VCL: variants seen among roughly 807,000 people sequenced by gnomAD.
VCL encodes the protein vinculin, also known as epididymis luminal protein 114.
VCL carries 47 observed loss-of-function variants against 125.7 expected under a neutral mutation model. The observed-to-expected ratio is 0.37, with a 90% confidence interval of 0.30 to 0.48. VCL has a LOEUF of 0.48. Ranked by LOEUF, VCL falls within the 20% of genes least tolerant of loss-of-function variation. VCL has a pLI of 0.99. For synonymous variants in VCL, 458 were observed against 514.6 expected, an observed-to-expected ratio of 0.89 and a Z score of 1.49; for missense variants, 1,069 against 1,455.5, an observed-to-expected ratio of 0.73 and a Z score of 4.32.
intron 1 of VCL, among the ~76,000 whole-genome samples, chr10:74,031,162 A>G (rs1365745253): frequency 6.6e-6 from 1 of 152,218 alleles, no homozygotes; most frequent in Non-Finnish European, 1.5e-5. Flanking sequence ...CAATTATGCT[A>G]ATGTGCCTTG....
chr10:74,001,579 T>C (rs1231772581), intron 1 of VCL, among the ~76,000 whole-genome samples: 1 of 152,068 alleles, frequency 6.6e-6, no homozygotes, highest in African/African-American at 2.4e-5. Context: ...GCTTTTAAAA[T>C]TGGTTGGTTA....
At chr10:74,082,384 T>G in intron 6 of VCL, 70 bp from the exon 7 acceptor site, 1 of 1,557,378 alleles carries the variant, frequency 6.4e-7, no homozygotes, top group Non-Finnish European at 8.8e-7. Context: ...TAACTTCTTC[T>G]CTGTCTTACG....
intron 18 of VCL, 147 bp downstream of exon 18, chr10:74,109,303 T>C (rs1349707496): frequency 3.8e-6 from 4 of 1,048,842 alleles, no homozygotes; most frequent in South Asian, 1.4e-5. Context: ...TTCCTCTTCT[T>C]ACCTGTGCTT....
At chr10:74,047,225 A>G (rs1050319372) in intron 2 of VCL, among the ~76,000 whole-genome samples, 1 of 152,204 alleles carries the variant, frequency 6.6e-6, no homozygotes, top group Admixed American at 6.5e-5. Flanking sequence ...TAAGCCCAGG[A>G]GGTCGAGGCT....
rs570423857 is a variant in VCL, at chr10:74,071,103, T to C, written c.499+20T>C. On this transcript the variant is annotated intron_variant, in intron 4 of 21. Coordinates refer to ENST00000211998, the MANE Select transcript of VCL (RefSeq NM_014000.3). This position sits in a 1 kb window ranked among gnomAD's most constrained non-coding sequence, Gnocchi z 4.1. ...GGCCAGGTTAGTTTTATCCAATTTCTATAACATTTTTTAAGGATTGTCCAT... is the reference window on the plus strand; with the variant it reads ...GGCCAGGTTAGTTTTATCCAATTTCCATAACATTTTTTAAGGATTGTCCAT... The C allele has an allele frequency of 3.9e-5, 63 of 1,609,426 alleles. No homozygotes were observed. In the South Asian group the frequency reaches 4.4e-4, roughly 11 times the overall value.
At chr10:74,006,367 G>C (rs1222765304) in intron 1 of VCL, among the ~76,000 whole-genome samples, 2 of 152,202 alleles carry the variant, frequency 1.3e-5, no homozygotes, top group Non-Finnish European at 2.9e-5. Flanking sequence ...AATAGAGCTG[G>C]TATAACTCTA....
At chr10:74,041,924 C>A (rs1841101589) in intron 1 of VCL, among the ~76,000 whole-genome samples, 2 of 152,044 alleles carry the variant, frequency 1.3e-5, no homozygotes, top group Admixed American at 1.3e-4. Flanking sequence ...CAAAAAATAA[C>A]AAAACAACTT....
intron 21 of VCL, among the ~76,000 whole-genome samples, chr10:74,117,818 C>T (rs1029408288): frequency 3.3e-5 from 5 of 152,198 alleles, no homozygotes; most frequent in Admixed American, 6.5e-5. Context: ...ATGCTGTAAG[C>T]TATCTGAAGC....
chr10:74,000,833 A>G (rs1840212663), intron 1 of VCL, among the ~76,000 whole-genome samples: 2 of 152,238 alleles, frequency 1.3e-5, no homozygotes, highest in Non-Finnish European at 1.5e-5. Context: ...GATGAAAACA[A>G]TGATATGTAG....
At chr10:74,001,224 C>T (rs1345372136) in intron 1 of VCL, among the ~76,000 whole-genome samples, 1 of 152,206 alleles carries the variant, frequency 6.6e-6, no homozygotes, top group Admixed American at 6.5e-5. Flanking sequence ...CATTGCTTCA[C>T]ATTCTTGGTG....
rs1841666697 is a variant in VCL, at chr10:74,071,709, C to A, written c.499+626C>A. Among the ~76,000 whole-genome samples the A allele has an allele frequency of 6.6e-6, 1 of 152,054 alleles. No individual in the cohort carries two copies. The highest frequency in any genetic ancestry group is 1.5e-5 in the Non-Finnish European group (1 of 68,006). The stretch of plus-strand genomic sequence containing the variant: ...ATGACAAGATATGTTAGATGTTTAA[C>A]CTGCTTAACTTGATTGTTATCACTT... On this transcript the variant is annotated intron_variant, in intron 4 of 21. Transcript: ENST00000211998. This position sits in a 1 kb window ranked among gnomAD's most constrained non-coding sequence, Gnocchi z 4.1.
At chr10:74,041,085 G>A (rs1408865067) in intron 1 of VCL, among the ~76,000 whole-genome samples, 2 of 152,180 alleles carry the variant, frequency 1.3e-5, no homozygotes, top group African/African-American at 4.8e-5. Context: ...CTGGTTTCAA[G>A]TAATTCTCTC....
chr10:74,023,560 C>T (rs988225643), intron 1 of VCL, among the ~76,000 whole-genome samples: 5 of 152,308 alleles, frequency 3.3e-5, no homozygotes, highest in Admixed American at 6.5e-5. Context: ...CTGATTATTC[C>T]TTTTGCCTAA....
intron 6 of VCL, among the ~76,000 whole-genome samples, chr10:74,081,644 C>T (rs1304259176): frequency 6.6e-6 from 1 of 152,110 alleles, no homozygotes; most frequent in African/African-American, 2.4e-5. Flanking sequence ...AAAAAATTTA[C>T]GGAAATACTT....
At chr10:74,073,170 A>C (rs112641482) in intron 5 of VCL, among the ~76,000 whole-genome samples, 55 of 151,662 alleles carry the variant, frequency 3.6e-4, no homozygotes, top group Non-Finnish European at 7.5e-4. Context: ...TGATCTCTTG[A>C]CCTCGTGATC....
At chr10:74,072,699 C>T (rs1264246158) in intron 4 of VCL, 31 bp from the exon 5 acceptor site, 1 of 1,613,766 alleles carries the variant, frequency 6.2e-7, no homozygotes, top group Non-Finnish European at 8.5e-7. Flanking sequence ...TTTCACTACT[C>T]ACCCTGCACA....
At chr10:74,032,397 A>C (rs1840894191) in intron 1 of VCL, among the ~76,000 whole-genome samples, 1 of 151,844 alleles carries the variant, frequency 6.6e-6, no homozygotes, top group East Asian at 1.9e-4. Flanking sequence ...AAGATAAATA[A>C]CTCAAAATAT....
At chr10:74,029,201 C>A (rs1018589807) in intron 1 of VCL, among the ~76,000 whole-genome samples, 3 of 151,850 alleles carry the variant, frequency 2.0e-5, no homozygotes, top group African/African-American at 7.3e-5. Context: ...GCAAGCTCCG[C>A]CTCCTGGGTT....
downstream of VCL, chr10:74,120,324 A>G (rs1840397108): frequency 6.6e-6 from 1 of 152,260 alleles, no homozygotes. Flanking sequence ...TGGTATATTT[A>G]CTTAACAAGG....
Sources: gnomAD v4.1 joint callset for allele counts (sites outside exome capture counted in the v4.1 genomes callset) on GRCh38, gnomAD v4.1.1 for gene constraint, Gnocchi (gnomAD v3.1) non-coding constraint, MANE v1.5 for transcripts, NCBI Gene and HGNC (gene_info 2026-07-23, HGNC 2026-07-21) for gene names.